GPC5: variants seen among roughly 807,000 people sequenced by gnomAD.
GPC5 encodes the protein glypican 5.
GPC5 carries 47 observed loss-of-function variants against 53.9 expected under a neutral mutation model. The ratio of observed to expected loss-of-function variants is 0.87; its 90% confidence interval spans 0.69 to 1.11. GPC5 has a LOEUF of 1.11. Among genes scored for constraint, GPC5 ranks in the 50% most tolerant of loss-of-function variants. The pLI, the probability that GPC5 is intolerant of heterozygous loss-of-function variation, is 0.00. For missense variants in GPC5, 748 were observed against 713.1 expected, an observed-to-expected ratio of 1.05 and a Z score of -0.56; for synonymous variants, 286 against 263.3, an observed-to-expected ratio of 1.09 and a Z score of -0.84.
At chr13:91,850,438 T>C (rs561018741) in intron 5 of GPC5, among the ~76,000 whole-genome samples, 1 of 152,254 alleles carries the variant, frequency 6.6e-6, no homozygotes, top group East Asian at 1.9e-4. Flanking sequence ...TGCTGCCCTC[T>C]GCCCTTAATA....
At chr13:92,358,510 C>A (rs2043540882) in intron 7 of GPC5, among the ~76,000 whole-genome samples, 1 of 151,724 alleles carries the variant, frequency 6.6e-6, no homozygotes, top group Non-Finnish European at 1.5e-5. Flanking sequence ...CCCCACATTT[C>A]CCCTGTGCAC....
intron 7 of GPC5, among the ~76,000 whole-genome samples, chr13:92,176,470 G>A (rs1283253357): frequency 6.6e-6 from 1 of 152,012 alleles, no homozygotes; most frequent in African/African-American, 2.4e-5. Context: ...GTTAGATAAG[G>A]TTCAACCTCA....
intron 7 of GPC5, among the ~76,000 whole-genome samples, chr13:92,229,945 A>G (rs184849316): frequency 6.8e-4 from 104 of 152,250 alleles, no homozygotes; most frequent in African/African-American, 2.2e-3. Context: ...ATTAAGATGG[A>G]ATTTAATTAT....
chr13:92,223,976 T>C (rs1489759884), intron 7 of GPC5, among the ~76,000 whole-genome samples: 1 of 152,084 alleles, frequency 6.6e-6, no homozygotes, highest in African/African-American at 2.4e-5. Context: ...AAGCAATTTA[T>C]GGCATGTTGA....
At chr13:91,561,863 C>T (rs1190038337) in intron 2 of GPC5, among the ~76,000 whole-genome samples, 1 of 152,118 alleles carries the variant, frequency 6.6e-6, no homozygotes, top group East Asian at 1.9e-4. Flanking sequence ...CTAGTAATTT[C>T]CATATAGCTA....
intron 7 of GPC5, among the ~76,000 whole-genome samples, chr13:92,316,015 A>C (rs888395533): frequency 6.6e-6 from 1 of 152,138 alleles, no homozygotes; most frequent in Non-Finnish European, 1.5e-5. Context: ...ACTTTAACTG[A>C]CTTCAACTAA....
At position 92,780,390 on chromosome 13, in the gene GPC5, TTTAAC is replaced by T. The variant is rs1222166765; in HGVS notation, c.1562-85887_1562-85883del. Among the ~76,000 whole-genome samples the T allele has an allele frequency of 1.8e-4, 26 of 141,660 alleles. 1 individual carries two copies. Among genetic ancestry groups the T allele is most frequent in the Admixed American group, 1.8e-3 (25 of 14,272 alleles). The allele number at this position is 141,660 out of a possible 152,430, so 92.9% of individuals were successfully genotyped here. A position where few individuals can be genotyped will look rare whatever the true frequency, so the allele number is the denominator to read the frequency against. On this transcript the variant is annotated intron_variant, in intron 7 of 7. Coordinates refer to ENST00000377067, the MANE Select transcript of GPC5 (RefSeq NM_004466.6). ...TTAATATAATTAAGTGTAATTTATATTTAACTTAATATAATTAAGTGTAATTTATA... is the reference window on the plus strand; with the variant it reads ...TTAATATAATTAAGTGTAATTTATATTTAATATAATTAAGTGTAATTTATA...
intron 6 of GPC5, among the ~76,000 whole-genome samples, chr13:92,036,566 C>T (rs1394330159): frequency 6.6e-6 from 1 of 152,130 alleles, no homozygotes; most frequent in Non-Finnish European, 1.5e-5. Flanking sequence ...TTTAGTTTTG[C>T]TGTGAAATAG....
intron 5 of GPC5, among the ~76,000 whole-genome samples, chr13:91,797,645 A>G (rs937451747): frequency 6.6e-6 from 1 of 152,232 alleles, no homozygotes; most frequent in Non-Finnish European, 1.5e-5. Flanking sequence ...TAAGAGCTCT[A>G]CATCTGCCTC....
At chr13:92,853,361 ATC>A (rs1306696236) in intron 7 of GPC5, among the ~76,000 whole-genome samples, 1 of 152,142 alleles carries the variant, frequency 6.6e-6, no homozygotes, top group Non-Finnish European at 1.5e-5. Flanking sequence ...ATTGTGGTTA[ATC>A]TCTTACTGTG....
At chr13:91,585,650 A>C (rs1054138219) in intron 2 of GPC5, among the ~76,000 whole-genome samples, 3 of 152,190 alleles carry the variant, frequency 2.0e-5, no homozygotes, top group Non-Finnish European at 2.9e-5. Flanking sequence ...AGCAGCTGCA[A>C]GAAGGACCAC....
intron 6 of GPC5, among the ~76,000 whole-genome samples, chr13:91,993,443 A>C (rs184216042): frequency 6.6e-6 from 1 of 152,056 alleles, no homozygotes; most frequent in South Asian, 2.1e-4. Flanking sequence ...CAGATTTGAA[A>C]GGGAGAATAT....
chr13:92,606,359 T>C (rs749325788), intron 7 of GPC5, among the ~76,000 whole-genome samples: 1 of 152,142 alleles, frequency 6.6e-6, no homozygotes, highest in Admixed American at 6.5e-5. Context: ...GTCTTTGCAA[T>C]AGTTTGCCCA....
chr13:92,661,167 C>T lies in GPC5; in HGVS notation c.1562-205115C>T, dbSNP rs938433621. ...ATAATTAGCTGGGTGTGGTGGTGTG[C>T]GCATACACTCCCAGCTACTAGGGAG... On this transcript the variant is annotated intron_variant, in intron 7 of 7. Coordinates refer to ENST00000377067, the MANE Select transcript of GPC5 (RefSeq NM_004466.6). Among the ~76,000 whole-genome samples the T allele has an allele frequency of 7.9e-5, 12 of 151,816 alleles. No homozygotes were observed. The South Asian group carries it at 1.0e-3, about 13-fold the overall frequency.
At chr13:91,859,295 GCTT>G (rs1257283485) in intron 5 of GPC5, among the ~76,000 whole-genome samples, 1 of 151,512 alleles carries the variant, frequency 6.6e-6, no homozygotes, top group East Asian at 1.9e-4. Context: ...GTATAAATTT[GCTT>G]CTTCTGCTTT....
intron 7 of GPC5, among the ~76,000 whole-genome samples, chr13:92,206,387 G>A (rs1418186500): frequency 6.6e-6 from 1 of 150,520 alleles, no homozygotes; most frequent in African/African-American, 2.4e-5. Context: ...GGATGGTCTC[G>A]ATCTCCTGAC....
intron 7 of GPC5, among the ~76,000 whole-genome samples, chr13:92,221,976 A>T (rs1164324903): frequency 1.3e-5 from 2 of 152,178 alleles, no homozygotes; most frequent in Non-Finnish European, 2.9e-5. Context: ...AAGCAGAGAC[A>T]TTTTACGAAT....
chr13:92,018,345 G>A (rs1325948844), intron 6 of GPC5, among the ~76,000 whole-genome samples: 2 of 151,978 alleles, frequency 1.3e-5, no homozygotes, highest in African/African-American at 4.8e-5. Flanking sequence ...AAAAAGTTTA[G>A]TTTAATGGCT....
At chr13:92,196,206 T>C (rs771298225) in intron 7 of GPC5, among the ~76,000 whole-genome samples, 11 of 152,226 alleles carry the variant, frequency 7.2e-5, no homozygotes, top group Non-Finnish European at 1.3e-4. Flanking sequence ...AAGTACTAAG[T>C]ATCTATATAA....
Sources: allele counts gnomAD v4.1 joint callset (sites outside exome capture counted in the v4.1 genomes callset), GRCh38; gene constraint gnomAD v4.1.1; transcripts MANE v1.5; gene names NCBI Gene and HGNC (gene_info 2026-07-23, HGNC 2026-07-21).